The following PPP1R15B variants were observed in gnomAD, a reference collection of about 807,000 sequenced individuals.
PPP1R15B encodes the protein protein phosphatase 1 regulatory subunit 15B, also known as protein phosphatase 1, regulatory (inhibitor) subunit 15B.
PPP1R15B carries 31 observed loss-of-function variants against 53.9 expected under a neutral mutation model. The observed-to-expected ratio is 0.58, with a 90% CI of 0.43 to 0.78. PPP1R15B has a LOEUF of 0.78. Ranked by LOEUF, PPP1R15B falls within the 30% of genes least tolerant of loss-of-function variation. The probability of loss-of-function intolerance (pLI) is 0.00; values close to 1 mark genes in which losing one functional copy is unlikely to be tolerated. For missense variants in PPP1R15B, 928 were observed against 849.6 expected (o/e 1.09, Z -1.15); for synonymous variants, 345 against 329.1 (o/e 1.05, Z -0.52).
At position 204,405,270 on chromosome 1, in the gene PPP1R15B, GTTTTGCA is replaced by G; in HGVS notation, c.*815_*821del. The G allele has an allele frequency of 1.0e-6, 1 of 978,018 alleles. No homozygotes were observed. Among genetic ancestry groups the G allele is most frequent in the South Asian group, 4.7e-5 (1 of 21,130 alleles). 60.6% of individuals were successfully genotyped at this position (978,018 alleles called of 1,614,324 possible). ...TGATGTAATTATTACTTTCCAGAGTGTTTTGCAATAACTTCAACCTGTTAAGAGATAC... is the reference window on the plus strand; with the variant it reads ...TGATGTAATTATTACTTTCCAGAGTGATAACTTCAACCTGTTAAGAGATAC... On this transcript the variant is annotated 3_prime_UTR_variant, in exon 2 of 2. Transcript: ENST00000367188.
Position 204,405,597 on chromosome 1 carries a change from A to G in PPP1R15B, c.*495T>C, listed in dbSNP as rs1215281231. 2.0e-6 allele frequency: 2 copies of G among 980,418 alleles called. No homozygotes were observed. The highest frequency in any genetic ancestry group is 3.5e-5 in the African/African-American group (2 of 57,232). The allele number at this position is 980,418 out of a possible 1,614,324, so 60.7% of individuals were successfully genotyped here. A position where few individuals can be genotyped will look rare whatever the true frequency, so the allele number is the denominator to read the frequency against. On this transcript the variant is annotated 3_prime_UTR_variant, in exon 2 of 2. Transcript: ENST00000367188. Reference sequence around the variant, plus strand: ...ACACAAGGTTATTTTTTAGCCTAACATAGACAGGCCAAATCATTGAAATAA... The same window carrying G: ...ACACAAGGTTATTTTTTAGCCTAACGTAGACAGGCCAAATCATTGAAATAA...
rs1674256404 is a variant in PPP1R15B at position 204,405,902 on chromosome 1, A to AT, written c.*189dup. 20 of 1,380,038 alleles carry AT rather than the reference A, an allele frequency of 1.4e-5. No individual in the cohort carries two copies. The East Asian group carries it at 5.3e-4, about 37-fold the overall frequency. The allele number at this position is 1,380,038 out of a possible 1,614,324, so 85.5% of individuals were successfully genotyped here. A position where few individuals can be genotyped will look rare whatever the true frequency, so the allele number is the denominator to read the frequency against. Reference sequence around the variant, plus strand: ...TAGAAATCACACTAGTTCATCCTTCATTATCAGGGCTGGCTTCAAACCTGA... The same window carrying AT: ...TAGAAATCACACTAGTTCATCCTTCATTTATCAGGGCTGGCTTCAAACCTGA... On this transcript the variant is annotated 3_prime_UTR_variant, in exon 2 of 2. Coordinates refer to ENST00000367188, the MANE Select transcript of PPP1R15B (RefSeq NM_032833.5).
Position 204,405,558 on chromosome 1 carries a change from T to TA in PPP1R15B, c.*533dup. ...AAAAGTGACACAAAATAATGCACTT[T>TA]AAGTTGGTAGCATACACAAGGTTAT... On this transcript the variant is annotated 3_prime_UTR_variant, in exon 2 of 2. Coordinates refer to ENST00000367188, the MANE Select transcript of PPP1R15B (RefSeq NM_032833.5). 1.0e-6 allele frequency: 1 copy of TA among 981,704 alleles called. No individual in the cohort carries two copies. The highest frequency in any genetic ancestry group is 1.7e-5 in the African/African-American group (1 of 57,240). 60.8% of individuals were successfully genotyped at this position (981,704 alleles called of 1,614,324 possible). A position where few individuals can be genotyped will look rare whatever the true frequency, so the allele number is the denominator to read the frequency against.
chr1:204,411,125 C>T lies in PPP1R15B; in HGVS notation c.287G>A (p.Trp96Ter). The change falls in exon 1 of 2, where the codon TGG (tryptophan) becomes TAG (stop). Residue 96 changes from tryptophan (W) to a stop codon, truncating the protein, a stop_gained. Coordinates refer to ENST00000367188, the MANE Select transcript of PPP1R15B (RefSeq NM_032833.5). LOFTEE classifies it high-confidence loss of function. Reference sequence around the variant, plus strand: ...GCTGTAGACTCCAGCAAAATCTAGCCATCTGGTCGGAAACATTCCACCGAA... The same window carrying T: ...GCTGTAGACTCCAGCAAAATCTAGCTATCTGGTCGGAAACATTCCACCGAA... The part of the protein sequence containing the change: ...QLFGGMFPTR[W>*]LDFAGVYSAL... 6.2e-7 allele frequency: 1 copy of T among 1,614,234 alleles called. No homozygotes were observed. The highest frequency in any genetic ancestry group is 8.5e-7 in the Non-Finnish European group (1 of 1,180,040).
downstream of PPP1R15B, among the ~76,000 whole-genome samples, chr1:204,398,244 C>G (rs1490336735): frequency 6.6e-6 from 1 of 152,146 alleles, no homozygotes; most frequent in Non-Finnish European, 1.5e-5. Context: ...TTGGGAGCCC[C>G]AGGCAGTAGG....
Position 204,411,147 on chromosome 1 carries a change from C to T in PPP1R15B, c.265G>A (p.Gly89Ser). The T allele has an allele frequency of 6.2e-7, 1 of 1,614,200 alleles. No homozygotes were observed. Among genetic ancestry groups the T allele is most frequent in the Non-Finnish European group, 8.5e-7 (1 of 1,180,044 alleles). Residue 89 changes from glycine to serine, a missense_variant, in exon 1 of 2, where the codon GGT becomes AGT. Physicochemically the swap from Gly to Ser is moderately conservative, Grantham distance 56. Transcript: ENST00000367188. ...AGCCATCTGGTCGGAAACATTCCAC[C>T]GAAAAGTTGGCTCCAAATTAGCACC... ...QKVLIWSQLF[G>S]GMFPTRWLDF...
Position 204,404,492 on chromosome 1 carries a change from A to G in PPP1R15B, c.*1600T>C. ...CGAACGAGACTCTGTCTCAAAAAAAAAAGAAAAAAACAAAAAACACACAGA... is the reference window on the plus strand; with the variant it reads ...CGAACGAGACTCTGTCTCAAAAAAAGAAGAAAAAAACAAAAAACACACAGA... On this transcript the variant is annotated 3_prime_UTR_variant, in exon 2 of 2. Transcript: ENST00000367188. 6.1e-6 allele frequency: 6 copies of G among 982,312 alleles called. No homozygotes were observed. In the South Asian group the frequency reaches 2.8e-4, roughly 46 times the overall value. The allele number at this position is 982,312 out of a possible 1,614,324, so 60.8% of individuals were successfully genotyped here. A position where few individuals can be genotyped will look rare whatever the true frequency, so the allele number is the denominator to read the frequency against.
At position 204,406,224 on chromosome 1, in the gene PPP1R15B, G is replaced by A; in HGVS notation, c.2010C>T (p.Cys670=). 1 of 1,614,070 alleles carries A rather than the reference G, an allele frequency of 6.2e-7. No homozygotes were observed. The highest frequency in any genetic ancestry group is 8.5e-7 in the Non-Finnish European group (1 of 1,180,000). The change falls in exon 2 of 2, where the codon TGC becomes TGT. Residue 670 remains cysteine (C), a synonymous_variant. Transcript: ENST00000367188. ...GPWEEFARDG[C]RFQKRIQETE... ...TTTCTTGAATTCGTTTCTGGAACCT[G>A]CATCCATCCCTTGCAAATTCTTCCC...
In PPP1R15B at chr1:204,404,857, C is replaced by G. The variant is rs1304562490; in HGVS notation, c.*1235G>C. On this transcript the variant is annotated 3_prime_UTR_variant, in exon 2 of 2. Transcript: ENST00000367188. ...TAAAGCTAAACAAATAAACCAAACA[C>G]AAACAGTCAATGCAAAGACTTCAAT... The G allele has an allele frequency of 4.1e-6, 4 of 985,626 alleles. No homozygotes were observed. Among genetic ancestry groups the G allele is most frequent in the Non-Finnish European group, 4.8e-6 (4 of 829,840 alleles). 61.1% of individuals were successfully genotyped at this position (985,626 alleles called of 1,614,324 possible).
rs1222755082 is a variant in PPP1R15B, at chr1:204,410,996, G to C, written c.416C>G (p.Pro139Arg). ...LDSSDPSVTS[P>R]LDWLEEGIHW... ...GATCCCCTCCTCTAGCCAATCAAGGGGACTGGTGACCGAGGGGTCTGAGGA... is the reference window on the plus strand; with the variant it reads ...GATCCCCTCCTCTAGCCAATCAAGGCGACTGGTGACCGAGGGGTCTGAGGA... Residue 139 changes from proline to arginine, a missense_variant, in exon 1 of 2, where the codon CCC becomes CGC. Physicochemically the swap from Pro to Arg is moderately radical, Grantham distance 103. Transcript: ENST00000367188. The C allele has an allele frequency of 6.2e-7, 1 of 1,614,144 alleles. No homozygotes were observed. The highest frequency in any genetic ancestry group is 1.7e-5 in the Admixed American group (1 of 60,020).
downstream of PPP1R15B, chr1:204,400,782 G>A: frequency 1.1e-6 from 1 of 941,682 alleles, no homozygotes; most frequent in Non-Finnish European, 1.3e-6. Flanking sequence ...CTTCTTCTTG[G>A]TAGGGATCTA....
downstream of PPP1R15B, among the ~76,000 whole-genome samples, chr1:204,402,739 GATC>G (rs1213157275): frequency 2.0e-5 from 3 of 151,634 alleles, no homozygotes; most frequent in Non-Finnish European, 4.4e-5. Context: ...GTAAATGAGA[GATC>G]ATCATGATTT....
Position 204,409,505 on chromosome 1 carries a change from A to G in PPP1R15B, c.1907T>C (p.Val636Ala). 6.2e-7 allele frequency: 1 copy of G among 1,604,364 alleles called. No individual in the cohort carries two copies. The highest frequency in any genetic ancestry group is 8.5e-7 in the Non-Finnish European group (1 of 1,176,512). ...CAAGAAACAAACCTTTTTTCTTTTG[A>G]CATGTGTGTGTCTTCCTCCAGAAAG... is the stretch of plus-strand genomic sequence containing the variant. ...DVLSGGRHTH[V>A]KRKKVTFLEE... The change falls in exon 1 of 2, where the codon GTC becomes GCC. Residue 636 changes from valine to alanine, a missense_variant. Physicochemically the swap from Val to Ala is moderately conservative, Grantham distance 64. Coordinates refer to ENST00000367188, the MANE Select transcript of PPP1R15B (RefSeq NM_032833.5).
chr1:204,409,613 T>A lies in PPP1R15B; in HGVS notation c.1799A>T (p.Glu600Val). ...TPSESIVAIS[E>V]CHTLLSCKVQ... ...CTTACAAGAAAGTAAGGTGTGACAC[T>A]CAGAAATGGCCACAATGGACTCAGA... is the stretch of plus-strand genomic sequence containing the variant. The change falls in exon 1 of 2, where the codon GAG (glutamate) becomes GTG (valine). Residue 600 changes from glutamate to valine, a missense_variant. Transcript: ENST00000367188. 6.2e-7 allele frequency: 1 copy of A among 1,614,142 alleles called. No individual in the cohort carries two copies. Among genetic ancestry groups the A allele is most frequent in the Non-Finnish European group, 8.5e-7 (1 of 1,180,032 alleles).
At chr1:204,400,486 C>CT (rs11442135), downstream of PPP1R15B, among the ~76,000 whole-genome samples, 82,131 of 143,322 alleles carry the variant, frequency 0.57, 26,322 homozygotes, top group Non-Finnish European at 0.73. Flanking sequence ...ATTTCTTTTT[C>CT]TTTTTTTTTT....
At chr1:204,406,643 G>A (rs1412292186) in intron 1 of PPP1R15B, among the ~76,000 whole-genome samples, 1 of 151,842 alleles carries the variant, frequency 6.6e-6, no homozygotes, top group Non-Finnish European at 1.5e-5. Flanking sequence ...TCCCAGCTAC[G>A]CAGGAGGCTG....
intron 1 of PPP1R15B, 96 bp downstream of exon 1, chr1:204,409,396 T>C (rs1296510508): frequency 3.6e-6 from 5 of 1,378,306 alleles, no homozygotes; most frequent in Non-Finnish European, 4.9e-6. Flanking sequence ...TCCTCAAAAA[T>C]ACATGCACTC....
chr1:204,409,305 G>C (rs1000404123), intron 1 of PPP1R15B, among the ~76,000 whole-genome samples, 187 bp downstream of exon 1: 2 of 152,106 alleles, frequency 1.3e-5, no homozygotes, highest in African/African-American at 4.8e-5. Context: ...GCAACAATGT[G>C]CATTGGGGTG....
downstream of PPP1R15B, among the ~76,000 whole-genome samples, chr1:204,402,592 G>GT (rs373365128): frequency 0.013 from 1,992 of 150,026 alleles, 45 homozygotes; most frequent in African/African-American, 0.043. Context: ...CAGTTTTTTT[G>GT]TTTTTTTTTG....
Sources: allele counts gnomAD v4.1 joint callset (sites outside exome capture counted in the v4.1 genomes callset), GRCh38; gene constraint gnomAD v4.1.1; transcripts MANE v1.5; gene names NCBI Gene and HGNC (gene_info 2026-07-23, HGNC 2026-07-21).